CYP4F12: variants seen among roughly 807,000 people sequenced by gnomAD.
CYP4F12 encodes cytochrome P450 family 4 subfamily F member 12.
In CYP4F12, 60 loss-of-function variants were observed where a neutral mutation model predicts 56.5. The observed-to-expected ratio is 1.06, with a 90% confidence interval of 0.86 to 1.32. The LOEUF is 1.32. Ranked by LOEUF, CYP4F12 falls within the 40% of genes most tolerant of loss-of-function variation. The pLI is 0.00. For synonymous variants in CYP4F12, 263 were observed against 264.9 expected, an observed-to-expected ratio of 0.99 and a Z score of 0.07; for missense variants, 711 against 683.5, an observed-to-expected ratio of 1.04 and a Z score of -0.45.
intron 12 of CYP4F12, 143 bp from the exon 13 acceptor site, chr19:15,696,765 T>G: frequency 8.4e-7 from 1 of 1,197,528 alleles, no homozygotes. Context: ...CAAGCCCACA[T>G]GGGAGTCCCA....
chr19:15,695,245 C>T (rs983881662), intron 9 of CYP4F12, among the ~76,000 whole-genome samples: 4 of 150,366 alleles, frequency 2.7e-5, no homozygotes, highest in South Asian at 2.1e-4. Flanking sequence ...AGTAAACTAT[C>T]GCAAAGACAA....
chr19:15,683,833 T>C, intron 7 of CYP4F12, 70 bp downstream of exon 7: 1 of 1,483,034 alleles, frequency 6.7e-7, no homozygotes, highest in Non-Finnish European at 8.9e-7. Context: ...GTGAAATAAA[T>C]TGGTTTTGAT....
intron 3 of CYP4F12, among the ~76,000 whole-genome samples, chr19:15,679,916 G>A (rs7260116): frequency 0.91 from 137,773 of 152,208 alleles, 62,308 homozygotes; most frequent in East Asian, 1. Context: ...AGAGTGCTAT[G>A]GCAGACAGGG....
chr19:15,680,477 G>A lies in CYP4F12; in HGVS notation c.483G>A (p.Lys161=). The change falls in exon 5 of 13, where the codon AAG becomes AAA. Residue 161 remains lysine, a synonymous_variant. Transcript: ENST00000550308. ...LTPAFHFNIL[K]SYITIFNKSA... is the part of the protein sequence containing the mutation. ...CCGCCTTCCATTTCAACATCCTGAA[G>A]TCCTATATAACGATCTTCAACAAGA... The A allele has an allele frequency of 1.2e-6, 2 of 1,614,170 alleles. No homozygotes were observed. The highest frequency in any genetic ancestry group is 2.2e-5 in the South Asian group (2 of 91,080).
intron 9 of CYP4F12, among the ~76,000 whole-genome samples, chr19:15,694,592 G>A (rs7255789): frequency 0.28 from 42,955 of 151,944 alleles, 6,577 homozygotes; most frequent in African/African-American, 0.4. Context: ...ATTTTGGGCT[G>A]AGACAATGGG....
chr19:15,683,626 C>A lies in CYP4F12; in HGVS notation c.781C>A (p.Arg261Ser). 3 of 1,614,170 alleles carry A rather than the reference C, an allele frequency of 1.9e-6. No homozygotes were observed. In the African/African-American group the frequency reaches 4.0e-5, roughly 22 times the overall value. The change falls in exon 7 of 13, where the codon CGC (arginine) becomes AGC (serine). Residue 261 changes from arginine to serine, a missense_variant. Arg to Ser is a moderately radical substitution (Grantham distance 110). Coordinates refer to ENST00000550308, the MANE Select transcript of CYP4F12 (RefSeq NM_023944.4). ...CGGGCGGCGCTTCCACAGGGCCTGC[C>A]GCCTGGTGCATGACTTCACAGACGC... ...HDGRRFHRAC[R>S]LVHDFTDAVI... is the part of the protein sequence containing the mutation.
chr19:15,679,313 G>T (rs2007155210), intron 3 of CYP4F12, among the ~76,000 whole-genome samples: 2 of 152,192 alleles, frequency 1.3e-5, no homozygotes, highest in South Asian at 4.1e-4. Context: ...CTGAATCCAG[G>T]TGTCAATGAA....
At chr19:15,679,449 C>T (rs2007161999) in intron 3 of CYP4F12, among the ~76,000 whole-genome samples, 1 of 143,074 alleles carries the variant, frequency 7.0e-6, no homozygotes, top group Non-Finnish European at 1.5e-5. Flanking sequence ...TCCGAAAGCT[C>T]ACCTTACCCC....
intron 9 of CYP4F12, among the ~76,000 whole-genome samples, chr19:15,695,377 T>C (rs8100518): frequency 0.27 from 38,769 of 144,198 alleles, 6,184 homozygotes; most frequent in East Asian, 0.69. Context: ...GGGGAAGGGA[T>C]AGCATTAGGA....
At chr19:15,677,993 C>CACTCACTCATTCCTCTTCCT (rs1389372549) in intron 2 of CYP4F12, among the ~76,000 whole-genome samples, 174 of 1,926 alleles carry the variant, frequency 0.09, 77 homozygotes, top group Middle Eastern at 0.5. Flanking sequence ...TTCCTCTCCT[C>CACTCACTCATTCCTCTTCCT]ACTCACTCAT....
Position 15,697,054 on chromosome 19 carries a change from G to C in CYP4F12, c.1544G>C (p.Arg515Pro), listed in dbSNP as rs777997821. Reference protein sequence around the residue: ...IMRAEGGLWLRVEPLNVSLQ With the variant: ...IMRAEGGLWLPVEPLNVSLQ ...CGCGCCGAGGGCGGGCTTTGGCTGC[G>C]GGTGGAGCCCCTGAATGTAAGCTTG... The change falls in exon 13 of 13, where the codon CGG becomes CCG. Residue 515 changes from arginine to proline, a missense_variant. Coordinates refer to ENST00000550308, the MANE Select transcript of CYP4F12 (RefSeq NM_023944.4). 18 of 1,613,894 alleles carry C rather than the reference G, an allele frequency of 1.1e-5. No individual in the cohort carries two copies. The highest frequency in any genetic ancestry group is 2.2e-5 in the East Asian group (1 of 44,882).
intron 9 of CYP4F12, among the ~76,000 whole-genome samples, chr19:15,686,545 CAG>C (rs538241788): frequency 1.3e-5 from 2 of 151,888 alleles, no homozygotes; most frequent in Admixed American, 1.3e-4. Context: ...CAGAAGGAGA[CAG>C]AGAGAGAATG....
At chr19:15,673,491 G>A (rs371846745) in intron 1 of CYP4F12, 38 bp from the exon 2 acceptor site, 1 of 1,568,912 alleles carries the variant, frequency 6.4e-7, no homozygotes, top group African/African-American at 1.3e-5. Flanking sequence ...TCTTCCCTGG[G>A]CCTCAGGTCC....
chr19:15,677,124 T>TTCCTCTGCCCACTCAC (rs1568414009), intron 2 of CYP4F12, among the ~76,000 whole-genome samples: 4 of 105,752 alleles, frequency 3.8e-5, no homozygotes, highest in African/African-American at 1.4e-4. Context: ...CACTCACTCA[T>TTCCTCTGCCCACTCAC]TCATATCCTC....
At chr19:15,695,895 T>G in intron 9 of CYP4F12, 41 bp from the exon 10 acceptor site, 1 of 1,588,100 alleles carries the variant, frequency 6.3e-7, no homozygotes, top group Non-Finnish European at 8.5e-7. Context: ...AGTTGTGTAT[T>G]TGTTCCCTTG....
At position 15,683,644 on chromosome 19, in the gene CYP4F12, A is replaced by G; in HGVS notation, c.799A>G (p.Thr267Ala). ...HRACRLVHDFTDAVIRERRRT... is the reference protein window; with the variant it reads ...HRACRLVHDFADAVIRERRRT... ...GGCCTGCCGCCTGGTGCATGACTTC[A>G]CAGACGCTGTCATCCGGGAGCGGCG... Residue 267 changes from threonine to alanine, a missense_variant, in exon 7 of 13, where the codon ACA becomes GCA. Physicochemically the swap from Thr to Ala is moderately conservative, Grantham distance 58. Coordinates refer to ENST00000550308, the MANE Select transcript of CYP4F12 (RefSeq NM_023944.4). 1 of 1,613,896 alleles carries G rather than the reference A, an allele frequency of 6.2e-7. No individual in the cohort carries two copies. The highest frequency in any genetic ancestry group is 8.5e-7 in the Non-Finnish European group (1 of 1,179,938).
chr19:15,680,180 G>A (rs1390148442), intron 3 of CYP4F12, 64 bp from the exon 4 acceptor site: 2 of 1,543,086 alleles, frequency 1.3e-6, no homozygotes, highest in Non-Finnish European at 1.7e-6. Context: ...AGGCAGCCTT[G>A]CCCTATACCT....
chr19:15,697,093 A>T lies in CYP4F12; in HGVS notation c.*8A>T. The T allele has an allele frequency of 1.2e-6, 2 of 1,605,994 alleles. No individual in the cohort carries two copies. Among genetic ancestry groups the T allele is most frequent in the Non-Finnish European group, 1.7e-6 (2 of 1,173,902 alleles). On this transcript the variant is annotated 3_prime_UTR_variant, in exon 13 of 13. Transcript: ENST00000550308. ...AATGTAAGCTTGCAGTGACTTTCTG[A>T]CCCATCCACCTGTTTTTTTGCAGAT...
chr19:15,687,166 A>G (rs1450763200), intron 9 of CYP4F12, among the ~76,000 whole-genome samples: 1 of 151,720 alleles, frequency 6.6e-6, no homozygotes, highest in Admixed American at 6.6e-5. Context: ...AGTCCCAGCT[A>G]CTCTGGAGGC....
Sources: gnomAD v4.1 joint callset for allele counts (sites outside exome capture counted in the v4.1 genomes callset) on GRCh38, gnomAD v4.1.1 for gene constraint, MANE v1.5 for transcripts, NCBI Gene and HGNC (gene_info 2026-07-23, HGNC 2026-07-21) for gene names.